KCNIP4: variants seen among roughly 807,000 people sequenced by gnomAD.
KCNIP4 encodes the protein potassium voltage-gated channel interacting protein 4, also known as Kv channel-interacting protein 4.
Under a neutral mutation model 34.0 loss-of-function variants are expected in KCNIP4, and 12 were observed. The observed-to-expected ratio is 0.35, with a 90% confidence interval of 0.23 to 0.57. The LOEUF (loss-of-function observed/expected upper bound fraction) is 0.57. Ranked by LOEUF, KCNIP4 falls within the 20% of genes least tolerant of loss-of-function variation. The pLI, the probability that KCNIP4 is intolerant of heterozygous loss-of-function variation, is 0.83. For missense variants in KCNIP4, 238 were observed against 311.7 expected (o/e 0.76, Z 1.78); for synonymous variants, 124 against 102.2 (o/e 1.21, Z -1.29).
At chr4:20,802,271 T>C (rs1714416883) in intron 3 of KCNIP4, among the ~76,000 whole-genome samples, 1 of 108,160 alleles carries the variant, frequency 9.2e-6, no homozygotes, top group Admixed American at 1.1e-4. Flanking sequence ...ATGCTATATA[T>C]ATGCTATATA....
At chr4:20,826,053 G>T (rs1245906813) in intron 3 of KCNIP4, among the ~76,000 whole-genome samples, 13 of 152,006 alleles carry the variant, frequency 8.6e-5, no homozygotes, top group Non-Finnish European at 1.8e-4. Flanking sequence ...AATGTTAGGG[G>T]TAGAAGCCAT....
Position 21,335,155 on chromosome 4 carries a change from A to G in KCNIP4, c.62-452446T>C, listed in dbSNP as rs1372751027. ...TAGTCAGCTCACACAATTTAGTAGGAAAAAAAAATACACATCAGTTCTTGT... is the reference window on the plus strand; with the variant it reads ...TAGTCAGCTCACACAATTTAGTAGGGAAAAAAAATACACATCAGTTCTTGT... On this transcript the variant is annotated intron_variant, in intron 1 of 8. Coordinates refer to ENST00000382152, the MANE Select transcript of KCNIP4 (RefSeq NM_025221.6). Among the ~76,000 whole-genome samples the G allele has an allele frequency of 2.0e-5, 3 of 151,002 alleles. No individual in the cohort carries two copies. In the Admixed American group the frequency reaches 2.0e-4, roughly 10 times the overall value.
intron 1 of KCNIP4, among the ~76,000 whole-genome samples, chr4:21,050,765 G>C (rs1435075104): frequency 2.0e-5 from 3 of 152,180 alleles, no homozygotes; most frequent in East Asian, 3.9e-4. Flanking sequence ...TTTATCTTAA[G>C]ACATTCTAAT....
At chr4:21,314,958 T>G (rs1209120533) in intron 1 of KCNIP4, among the ~76,000 whole-genome samples, 5 of 152,220 alleles carry the variant, frequency 3.3e-5, no homozygotes, top group Admixed American at 2.6e-4. Context: ...CTGCTCTGGC[T>G]ATGTTTCCAC....
At chr4:21,933,344 T>C (rs1394376368) in intron 1 of KCNIP4, among the ~76,000 whole-genome samples, 1 of 152,060 alleles carries the variant, frequency 6.6e-6, no homozygotes, top group African/African-American at 2.4e-5. Flanking sequence ...TGTCACTTGC[T>C]GTCTTTTTGC....
chr4:21,376,961 CAT>C (rs1408554858), intron 1 of KCNIP4, among the ~76,000 whole-genome samples: 8 of 152,290 alleles, frequency 5.3e-5, no homozygotes, highest in African/African-American at 1.7e-4. Context: ...GAATATCAAA[CAT>C]AATTTCTTTA....
At chr4:21,775,622 G>A (rs952128744) in intron 1 of KCNIP4, among the ~76,000 whole-genome samples, 1 of 152,142 alleles carries the variant, frequency 6.6e-6, no homozygotes, top group Non-Finnish European at 1.5e-5. Flanking sequence ...AGGTGCTGAG[G>A]CCCAGGGAGA....
intron 1 of KCNIP4, among the ~76,000 whole-genome samples, chr4:21,018,795 C>T (rs1739777224): frequency 6.6e-6 from 1 of 152,082 alleles, no homozygotes; most frequent in Admixed American, 6.6e-5. Context: ...GATACTTGGA[C>T]TAACATAGAA....
chr4:21,525,594 G>A (rs1299182792), intron 1 of KCNIP4, among the ~76,000 whole-genome samples: 1 of 151,798 alleles, frequency 6.6e-6, no homozygotes, highest in Non-Finnish European at 1.5e-5. Context: ...AATCTGTAAT[G>A]ACATTTGTTT....
intron 1 of KCNIP4, among the ~76,000 whole-genome samples, chr4:21,748,936 T>C (rs1716962600): frequency 6.6e-6 from 1 of 152,172 alleles, no homozygotes; most frequent in Non-Finnish European, 1.5e-5. Flanking sequence ...AACTGACTGC[T>C]GTTATGTAAG....
intron 1 of KCNIP4, among the ~76,000 whole-genome samples, chr4:21,838,364 C>T (rs970017350): frequency 2.0e-5 from 3 of 152,168 alleles, no homozygotes; most frequent in Admixed American, 6.5e-5. Flanking sequence ...GTGGGACAAT[C>T]GCAATGGACA....
intron 1 of KCNIP4, among the ~76,000 whole-genome samples, chr4:21,137,108 C>G (rs1252273120): frequency 6.6e-6 from 1 of 151,992 alleles, no homozygotes; most frequent in Non-Finnish European, 1.5e-5. Flanking sequence ...AATATTTGAA[C>G]AAGAGGGATT....
At chr4:21,606,971 G>C (rs1485116860) in intron 1 of KCNIP4, among the ~76,000 whole-genome samples, 1 of 151,860 alleles carries the variant, frequency 6.6e-6, no homozygotes, top group Non-Finnish European at 1.5e-5. Flanking sequence ...TGATTTCATG[G>C]GTTCCTCACA....
intron 1 of KCNIP4, among the ~76,000 whole-genome samples, chr4:21,824,004 G>A (rs1304919043): frequency 6.6e-6 from 1 of 152,138 alleles, no homozygotes; most frequent in Non-Finnish European, 1.5e-5. Flanking sequence ...ACAGAGAGTG[G>A]ATAAGAGCTC....
intron 1 of KCNIP4, among the ~76,000 whole-genome samples, chr4:21,132,215 A>T (rs1387091823): frequency 6.6e-6 from 1 of 152,244 alleles, no homozygotes; most frequent in Non-Finnish European, 1.5e-5. Context: ...CACCAGCCAT[A>T]TAAGAACAGC....
At chr4:21,337,127 G>T (rs951053284) in intron 1 of KCNIP4, among the ~76,000 whole-genome samples, 21 of 152,180 alleles carry the variant, frequency 1.4e-4, no homozygotes, top group Admixed American at 1.1e-3. Flanking sequence ...ATGGAGAGAG[G>T]CAAGGATAGG....
intron 1 of KCNIP4, among the ~76,000 whole-genome samples, chr4:21,224,578 G>GGTTTTT (rs1553838095): frequency 2.2e-5 from 1 of 44,880 alleles, no homozygotes; most frequent in African/African-American, 1.0e-4. Context: ...TTTTTCAACT[G>GGTTTTT]TTTTTTTTTT....
At chr4:21,357,701 A>T (rs1444285610) in intron 1 of KCNIP4, among the ~76,000 whole-genome samples, 1 of 152,202 alleles carries the variant, frequency 6.6e-6, no homozygotes, top group Non-Finnish European at 1.5e-5. Context: ...AGAAATAGGA[A>T]CACTTTTACA....
chr4:21,774,730 C>T (rs1472769874), intron 1 of KCNIP4, among the ~76,000 whole-genome samples: 1 of 152,142 alleles, frequency 6.6e-6, no homozygotes, highest in Admixed American at 6.6e-5. Context: ...TCCACTTGAT[C>T]AATTCATCTG....
Sources: gnomAD v4.1 joint callset for allele counts (sites outside exome capture counted in the v4.1 genomes callset) on GRCh38, gnomAD v4.1.1 for gene constraint, MANE v1.5 for transcripts, NCBI Gene and HGNC (gene_info 2026-07-23, HGNC 2026-07-21) for gene names.